The following PACRGL variants were observed in gnomAD, a reference collection of about 807,000 sequenced individuals.
The protein encoded by PACRGL is PACRG-like protein.
In PACRGL, 38 loss-of-function variants were observed where a neutral mutation model predicts 34.5. That is an observed-to-expected ratio of 1.10 (90% CI 0.85 to 1.44). The LOEUF is 1.44. Ranked by LOEUF, PACRGL falls within the 40% of genes most tolerant of loss-of-function variation. The pLI, the probability that PACRGL is intolerant of heterozygous loss-of-function variation, is 0.00. For synonymous variants in PACRGL, 128 were observed against 100.1 expected (o/e 1.28, Z -1.66); for missense variants, 305 against 281.4 (o/e 1.08, Z -0.60).
intron 4 of PACRGL, among the ~76,000 whole-genome samples, 191 bp from the exon 5 acceptor site, chr4:20,709,492 T>C (rs1436712937): frequency 1.3e-5 from 2 of 152,238 alleles, no homozygotes; most frequent in African/African-American, 4.8e-5. Flanking sequence ...TGGGTCACTT[T>C]TGCTGTAAGA....
chr4:20,716,332 T>TA (rs1739966075), intron 7 of PACRGL: 2 of 572,984 alleles, frequency 3.5e-6, no homozygotes, highest in East Asian at 2.9e-5. Context: ...ATTCATGCAG[T>TA]GTTTTTTTTT....
chr4:20,731,259 A>AGAT lies in PACRGL; in HGVS notation c.*3919_*3921dup, dbSNP rs146706282. On this transcript the variant is annotated 3_prime_UTR_variant, in exon 9 of 9. Coordinates refer to ENST00000503585, the MANE Select transcript of PACRGL (RefSeq NM_001258345.3). ...TAACTTAATTTTTTTTTGTAGAGAT[A>AGAT]GATAGGGTCTTGCTATGTTGCCCAC... is the stretch of plus-strand genomic sequence containing the variant. The AGAT allele has an allele frequency of 1.9e-3, 649 of 344,276 alleles. 6 individuals carry two copies. Among genetic ancestry groups the AGAT allele is most frequent in the African/African-American group, 0.014 (611 of 44,858 alleles). The allele number at this position is 344,276 out of a possible 1,614,324, so 21.3% of individuals were successfully genotyped here. A position where few individuals can be genotyped will look rare whatever the true frequency, so the allele number is the denominator to read the frequency against.
chr4:20,756,931 T>A (rs1754523961), downstream of PACRGL, among the ~76,000 whole-genome samples: 1 of 152,072 alleles, frequency 6.6e-6, no homozygotes, highest in Admixed American at 6.6e-5. Flanking sequence ...AGTAACCTCA[T>A]CTACATCATG....
At position 20,729,765 on chromosome 4, in the gene PACRGL, C is replaced by G. The variant is rs1747460674; in HGVS notation, c.*2424C>G. On this transcript the variant is annotated 3_prime_UTR_variant, in exon 9 of 9. Transcript: ENST00000503585. ...AAAAAACACTGATATTTTAAAATCA[C>G]TGATATGTGAAAGCCTCAATAATCC... 8.4e-6 allele frequency: 2 copies of G among 236,986 alleles called. No individual in the cohort carries two copies. Among genetic ancestry groups the G allele is most frequent in the Admixed American group, 1.1e-4 (2 of 18,046 alleles). The allele number at this position is 236,986 out of a possible 1,614,324, so 14.7% of individuals were successfully genotyped here. A position where few individuals can be genotyped will look rare whatever the true frequency, so the allele number is the denominator to read the frequency against.
At chr4:20,760,548 CAGTGTTA>C in the PACRGL span, among the ~76,000 whole-genome samples, 1 of 152,138 alleles carries the variant, frequency 6.6e-6, no homozygotes, top group Non-Finnish European at 1.5e-5. Flanking sequence ...GATACATAAA[CAGTGTTA>C]ACAGTTTCAA....
rs190292047 is a variant in PACRGL, at chr4:20,703,300, T to C, written c.-16-1166T>C. 1.2e-4 allele frequency among the ~76,000 whole-genome samples: 19 copies of C among 152,214 alleles called. No individual in the cohort carries two copies. The East Asian group carries it at 3.7e-3, about 29-fold the overall frequency. On this transcript the variant is annotated intron_variant, in intron 1 of 8. Coordinates refer to ENST00000503585, the MANE Select transcript of PACRGL (RefSeq NM_001258345.3). ...GGCATTAAAATGAGACGTGTGCTAA[T>C]AGAATAACTAGATTGTCGTGGAAGT... is the stretch of plus-strand genomic sequence containing the variant.
At chr4:20,753,932 TCATTCAA>T (rs1005063484), downstream of PACRGL, among the ~76,000 whole-genome samples, 16 of 151,952 alleles carry the variant, frequency 1.1e-4, no homozygotes, top group African/African-American at 3.9e-4. Context: ...ATTCATTCAT[TCATTCAA>T]CAACTGTTTA....
Position 20,710,283 on chromosome 4 carries a change from A to T in PACRGL, c.366+510A>T, listed in dbSNP as rs555490317. Among the ~76,000 whole-genome samples, 379 of 152,150 alleles carry T rather than the reference A, an allele frequency of 2.5e-3. 1 individual carries two copies. Among genetic ancestry groups the T allele is most frequent in the African/African-American group, 8.5e-3 (353 of 41,530 alleles). On this transcript the variant is annotated intron_variant, in intron 5 of 8. Coordinates refer to ENST00000503585, the MANE Select transcript of PACRGL (RefSeq NM_001258345.3). ...TGGAGGTGGTTTTATAGACTATTTT[A>T]AAAAAAACTTTTGATAGCTTCCTTT...
At chr4:20,719,508 C>T (rs914437978) in intron 7 of PACRGL, among the ~76,000 whole-genome samples, 6 of 152,054 alleles carry the variant, frequency 3.9e-5, no homozygotes, top group Non-Finnish European at 8.8e-5. Context: ...TAAATATGTC[C>T]CAGAGATTCT....
downstream of PACRGL, among the ~76,000 whole-genome samples, chr4:20,732,950 A>G (rs1748698529): frequency 6.6e-6 from 1 of 152,230 alleles, no homozygotes; most frequent in East Asian, 1.9e-4. Flanking sequence ...GGCAACAAAC[A>G]GCTTTCTGCC....
downstream of PACRGL, among the ~76,000 whole-genome samples, chr4:20,753,128 C>G (rs1339563619): frequency 4.6e-5 from 7 of 152,088 alleles, no homozygotes; most frequent in Non-Finnish European, 1.0e-4. Context: ...TTTACAGATT[C>G]TTAGGGTGGG....
rs1344674231 is a variant in PACRGL, at chr4:20,730,070, C to A, written c.*2729C>A. 1 of 1,605,738 alleles carries A rather than the reference C, an allele frequency of 6.2e-7. No individual in the cohort carries two copies. Among genetic ancestry groups the A allele is most frequent in the African/African-American group, 1.3e-5 (1 of 74,606 alleles). ...CACATTTGTCTGTTGGATTCAGGAT[C>A]TATTTGACAAGTTAAATCACATTTT... On this transcript the variant is annotated 3_prime_UTR_variant, in exon 9 of 9. Coordinates refer to ENST00000503585, the MANE Select transcript of PACRGL (RefSeq NM_001258345.3).
rs1192828901 is a variant in PACRGL at position 20,707,806 on chromosome 4, G to A, written c.211G>A (p.Gly71Ser). The A allele has an allele frequency of 4.3e-6, 7 of 1,612,530 alleles. No homozygotes were observed. The highest frequency in any genetic ancestry group is 5.9e-6 in the Non-Finnish European group (7 of 1,178,814). ...KLNPKTINPF[G>S]EQSRVPSAFA... ...ATATTTTCATTTTTTATTTTAGTTTGGTGAACAGTCACGAGTGCCTTCTGC... is the reference window on the plus strand; with the variant it reads ...ATATTTTCATTTTTTATTTTAGTTTAGTGAACAGTCACGAGTGCCTTCTGC... Residue 71 changes from glycine (G) to serine (S), a missense_variant, in exon 4 of 9, where the codon GGT becomes AGT. Coordinates refer to ENST00000503585, the MANE Select transcript of PACRGL (RefSeq NM_001258345.3).
intron 7 of PACRGL, among the ~76,000 whole-genome samples, chr4:20,718,281 G>T (rs1029084425): frequency 6.6e-6 from 1 of 152,148 alleles, no homozygotes; most frequent in Non-Finnish European, 1.5e-5. Context: ...TGCAAACGGG[G>T]ACAATTTGAC....
the PACRGL span, among the ~76,000 whole-genome samples, chr4:20,758,387 C>T: frequency 1.3e-5 from 2 of 152,244 alleles, no homozygotes; most frequent in Non-Finnish European, 2.9e-5. Context: ...GCCACTGAGT[C>T]AATATGTGGC....
the PACRGL span, among the ~76,000 whole-genome samples, chr4:20,766,610 A>G: frequency 7.9e-5 from 12 of 152,254 alleles, no homozygotes; most frequent in Middle Eastern, 3.4e-3. Flanking sequence ...TTTAGAGACA[A>G]TTCAATTCAA....
At chr4:20,738,803 A>G (rs7660187) in intron 8 of PACRGL, among the ~76,000 whole-genome samples, 76,132 of 151,954 alleles carry the variant, frequency 0.5, 19,603 homozygotes, top group African/African-American at 0.58. Context: ...CGCCTCACCC[A>G]GGAAGCGCAA....
At chr4:20,725,446 T>C (rs539795069) in intron 8 of PACRGL, among the ~76,000 whole-genome samples, 31 of 152,226 alleles carry the variant, frequency 2.0e-4, no homozygotes, top group African/African-American at 7.0e-4. Context: ...TACAAAAATA[T>C]GGAGGATTTC....
chr4:20,709,597 G>C (rs1294158068), intron 4 of PACRGL, 86 bp from the exon 5 acceptor site: 1 of 800,742 alleles, frequency 1.2e-6, no homozygotes, highest in East Asian at 2.6e-5. Flanking sequence ...AAATAAATCT[G>C]ATATGGTTAT....
Sources: allele counts gnomAD v4.1 joint callset (sites outside exome capture counted in the v4.1 genomes callset), GRCh38; gene constraint gnomAD v4.1.1; transcripts MANE v1.5; gene names NCBI Gene and HGNC (gene_info 2026-07-23, HGNC 2026-07-21).